Variants in GNA12 observed in about 807,000 individuals in gnomAD.
GNA12 encodes G protein subunit alpha 12.
In GNA12, 9 loss-of-function variants were observed where a neutral mutation model predicts 26.0. The observed-to-expected ratio is 0.35, with a 90% CI of 0.21 to 0.60. GNA12 has a LOEUF of 0.60. Among genes scored for constraint, GNA12 ranks in the 20% least tolerant of loss-of-function variants. GNA12 has a pLI of 0.78. For missense variants in GNA12, 405 were observed against 525.8 expected, an observed-to-expected ratio of 0.77 and a Z score of 2.25; for synonymous variants, 264 against 219.6, an observed-to-expected ratio of 1.20 and a Z score of -1.79.
At chr7:2,737,433 C>T (rs959207522) in intron 2 of GNA12, among the ~76,000 whole-genome samples, 8 of 151,846 alleles carry the variant, frequency 5.3e-5, no homozygotes, top group East Asian at 1.9e-4. Flanking sequence ...GGACTACAGG[C>T]GTGCACTACC....
At chr7:2,827,106 T>C (rs1015268999) in intron 1 of GNA12, among the ~76,000 whole-genome samples, 2 of 152,182 alleles carry the variant, frequency 1.3e-5, no homozygotes, top group Non-Finnish European at 2.9e-5. Context: ...GTATATTAAT[T>C]TTAAAAAAGT....
chr7:2,814,904 C>T (rs575624018), intron 1 of GNA12: 27 of 1,600,688 alleles, frequency 1.7e-5, no homozygotes, highest in East Asian at 1.6e-4. Flanking sequence ...TTGCTAGGCA[C>T]GGCCTGGGAA....
intron 3 of GNA12, among the ~76,000 whole-genome samples, chr7:2,732,816 G>A (rs1789968890): frequency 6.6e-6 from 1 of 152,188 alleles, no homozygotes; most frequent in South Asian, 2.1e-4. Flanking sequence ...AAGAAAAAAA[G>A]GAGAGACATA....
chr7:2,779,602 CT>C (rs1792170333), intron 2 of GNA12, among the ~76,000 whole-genome samples: 1 of 151,790 alleles, frequency 6.6e-6, no homozygotes, highest in Non-Finnish European at 1.5e-5. Context: ...TTTTTAAAAA[CT>C]TTTTAACTTT....
At chr7:2,770,754 T>C (rs1583266892) in intron 2 of GNA12, among the ~76,000 whole-genome samples, 1 of 152,306 alleles carries the variant, frequency 6.6e-6, no homozygotes, top group South Asian at 2.1e-4. Flanking sequence ...AATGGGATCC[T>C]GTGCTTGTTG....
chr7:2,742,536 G>A (rs1242052953), intron 2 of GNA12, among the ~76,000 whole-genome samples: 1 of 152,196 alleles, frequency 6.6e-6, no homozygotes, highest in East Asian at 1.9e-4. Flanking sequence ...TCCAGGGGCT[G>A]TAATTCATCT....
intron 2 of GNA12, among the ~76,000 whole-genome samples, chr7:2,781,265 G>C (rs1327743459): frequency 6.6e-6 from 1 of 151,968 alleles, no homozygotes; most frequent in Non-Finnish European, 1.5e-5. Context: ...TGTACTTTTA[G>C]TTCTTTAAGA....
At chr7:2,743,220 C>G (rs182623581) in intron 2 of GNA12, among the ~76,000 whole-genome samples, 26 of 152,314 alleles carry the variant, frequency 1.7e-4, no homozygotes, top group African/African-American at 5.8e-4. Flanking sequence ...CTGCTGTGAT[C>G]TAAGCAACCA....
intron 2 of GNA12, among the ~76,000 whole-genome samples, chr7:2,743,929 A>G (rs1242269996): frequency 6.6e-6 from 1 of 152,000 alleles, no homozygotes; most frequent in Non-Finnish European, 1.5e-5. Flanking sequence ...TTGCTAGCAC[A>G]GCAGTCTGAG....
chr7:2,829,373 C>T (rs1192221329), intron 1 of GNA12, among the ~76,000 whole-genome samples: 1 of 152,160 alleles, frequency 6.6e-6, no homozygotes, highest in Non-Finnish European at 1.5e-5. Context: ...TGAAGGAGTC[C>T]AGTGTCTCTC....
chr7:2,767,155 T>C (rs1791827436), intron 2 of GNA12, among the ~76,000 whole-genome samples: 1 of 152,250 alleles, frequency 6.6e-6, no homozygotes, highest in African/African-American at 2.4e-5. Flanking sequence ...TTCACATATA[T>C]GATTTGCAAA....
At chr7:2,841,036 T>TA (rs1314939374) in intron 1 of GNA12, among the ~76,000 whole-genome samples, 4 of 152,182 alleles carry the variant, frequency 2.6e-5, no homozygotes, top group East Asian at 1.9e-4. Flanking sequence ...CTATAATTAG[T>TA]AAAAAACAAA....
intron 2 of GNA12, among the ~76,000 whole-genome samples, chr7:2,736,237 G>A (rs1286075997): frequency 3.9e-5 from 6 of 152,168 alleles, no homozygotes; most frequent in Non-Finnish European, 8.8e-5. Flanking sequence ...TGCCTGCCAA[G>A]ACGAGCCCAG....
At chr7:2,747,064 A>T (rs1360235329) in intron 2 of GNA12, among the ~76,000 whole-genome samples, 2 of 152,218 alleles carry the variant, frequency 1.3e-5, no homozygotes, top group Non-Finnish European at 2.9e-5. Context: ...GAGCAGATGG[A>T]TTCAACAGCC....
intron 1 of GNA12, among the ~76,000 whole-genome samples, chr7:2,833,888 G>A (rs889115786): frequency 2.0e-5 from 3 of 152,034 alleles, no homozygotes; most frequent in African/African-American, 4.8e-5. Flanking sequence ...AGTTCCGTAC[G>A]TCCTGGCAAA....
chr7:2,757,056 C>T (rs1791332614), intron 2 of GNA12, among the ~76,000 whole-genome samples: 1 of 150,018 alleles, frequency 6.7e-6, no homozygotes, highest in South Asian at 2.1e-4. Flanking sequence ...GTCTGGGCAA[C>T]AGAGCGATAC....
chr7:2,833,860 C>T lies in GNA12; in HGVS notation c.309+9993G>A, dbSNP rs542768912. On this transcript the variant is annotated intron_variant, in intron 1 of 3. Coordinates refer to ENST00000275364, the MANE Select transcript of GNA12 (RefSeq NM_007353.3). ...CAGAGACTCTTAAAGGCCAGAACAG[C>T]AGAGGAGGCTGCTTCAAAGTTCCGT... is the stretch of plus-strand genomic sequence containing the variant. Among the ~76,000 whole-genome samples, 17 of 152,238 alleles carry T rather than the reference C, an allele frequency of 1.1e-4. No individual in the cohort carries two copies. In the South Asian group the frequency reaches 3.1e-3, roughly 28 times the overall value.
intron 1 of GNA12, chr7:2,815,058 C>A: frequency 4.1e-6 from 6 of 1,464,186 alleles, no homozygotes; most frequent in Non-Finnish European, 5.4e-6. Flanking sequence ...AGCGCCGCCA[C>A]TGTGGCAGGC....
chr7:2,825,908 A>G lies in GNA12; in HGVS notation c.309+17945T>C, dbSNP rs570014266. Among the ~76,000 whole-genome samples the G allele has an allele frequency of 4.0e-4, 61 of 152,176 alleles. 1 individual carries two copies. Among genetic ancestry groups the G allele is most frequent in the Middle Eastern group, 6.8e-3 (2 of 294 alleles). ...CACATAGAAAGACGCTCCACACCAT[A>G]TATCATTAGGGCACTGCTAATTAAA... On this transcript the variant is annotated intron_variant, in intron 1 of 3. Coordinates refer to ENST00000275364, the MANE Select transcript of GNA12 (RefSeq NM_007353.3).
Sources: gnomAD v4.1 joint callset for allele counts (sites outside exome capture counted in the v4.1 genomes callset) on GRCh38, gnomAD v4.1.1 for gene constraint, MANE v1.5 for transcripts, NCBI Gene and HGNC (gene_info 2026-07-23, HGNC 2026-07-21) for gene names.